Variants in PRKN observed in about 807,000 individuals in gnomAD.
The protein encoded by PRKN is E3 ubiquitin-protein ligase parkin.
Under a neutral mutation model 59.5 loss-of-function variants are expected in PRKN, and 56 were observed. The observed-to-expected ratio is 0.94, with a 90% CI of 0.76 to 1.18. PRKN has a LOEUF of 1.18. Ranked by LOEUF, PRKN falls within the 50% of genes most tolerant of loss-of-function variation. The pLI is 0.00. For synonymous variants in PRKN, 250 were observed against 222.1 expected (o/e 1.13, Z -1.12); for missense variants, 657 against 596.4 (o/e 1.10, Z -1.06).
rs1778391760 is a variant in PRKN at position 161,912,274 on chromosome 6, G to C, written c.734+61028C>G. ...CGTTAAAACCAGAAGCCATAAAGTA[G>C]TAGGTGCAAACCTCTGACTACCAAT... is the stretch of plus-strand genomic sequence containing the variant. On this transcript the variant is annotated intron_variant, in intron 6 of 11. Coordinates refer to ENST00000366898, the MANE Select transcript of PRKN (RefSeq NM_004562.3). Among the ~76,000 whole-genome samples, 3 of 151,786 alleles carry C rather than the reference G, an allele frequency of 2.0e-5. No individual in the cohort carries two copies. The South Asian group carries it at 6.2e-4, about 32-fold the overall frequency.
rs369432929 is a variant in PRKN at position 161,928,285 on chromosome 6, T to C, written c.734+45017A>G. Among the ~76,000 whole-genome samples the C allele has an allele frequency of 4.6e-5, 7 of 152,304 alleles. No individual in the cohort carries two copies. The East Asian group carries it at 1.3e-3, about 29-fold the overall frequency. ...TTGTTATGGCAGCCTGAATGGATAA[T>C]GACACTTATTATTAATATTTGGGAA... is the stretch of plus-strand genomic sequence containing the variant. On this transcript the variant is annotated intron_variant, in intron 6 of 11. Coordinates refer to ENST00000366898, the MANE Select transcript of PRKN (RefSeq NM_004562.3).
intron 9 of PRKN, among the ~76,000 whole-genome samples, chr6:161,485,172 A>T (rs1027127189): frequency 2.0e-5 from 3 of 152,274 alleles, no homozygotes; most frequent in Non-Finnish European, 4.4e-5. Context: ...CGAGCCAGTC[A>T]TTCAGATGAC....
At chr6:161,756,502 G>C (rs758499313) in intron 7 of PRKN, among the ~76,000 whole-genome samples, 37 of 135,638 alleles carry the variant, frequency 2.7e-4, no homozygotes, top group African/African-American at 1.0e-3. Context: ...TTTTATTGCT[G>C]TTTCCCAAAT....
intron 5 of PRKN, among the ~76,000 whole-genome samples, chr6:161,995,095 T>C (rs1030764206): frequency 6.6e-6 from 1 of 152,056 alleles, no homozygotes; most frequent in Non-Finnish European, 1.5e-5. Context: ...AACATACACA[T>C]AGAGCAATGG....
chr6:161,944,953 G>A (rs1293249226), intron 6 of PRKN, among the ~76,000 whole-genome samples: 2 of 152,204 alleles, frequency 1.3e-5, no homozygotes, highest in East Asian at 3.9e-4. Flanking sequence ...ATCTGTAGGA[G>A]AGGAGAGAAA....
intron 3 of PRKN, among the ~76,000 whole-genome samples, chr6:162,237,868 A>G (rs1778808471): frequency 1.3e-5 from 2 of 152,130 alleles, no homozygotes; most frequent in Admixed American, 6.5e-5. Context: ...GGTGGGAAAG[A>G]AAACAGGCAG....
chr6:162,381,026 C>T (rs1394810262), intron 2 of PRKN, among the ~76,000 whole-genome samples: 2 of 152,104 alleles, frequency 1.3e-5, no homozygotes, highest in South Asian at 2.1e-4. Flanking sequence ...GATCCGCAGG[C>T]GAACCGTTCT....
chr6:161,513,579 A>G (rs1778477921), intron 9 of PRKN, among the ~76,000 whole-genome samples: 1 of 149,996 alleles, frequency 6.7e-6, no homozygotes, highest in Non-Finnish European at 1.5e-5. Context: ...TGTTTACAAG[A>G]TAAATTTTTG....
At position 161,363,556 on chromosome 6, in the gene PRKN, G is replaced by A. The variant is rs981980287; in HGVS notation, c.1168-3351C>T. ...GGAGATTAAGAGATGGGGGGATAAG[G>A]TGAGAAGGTCCAGTGTTTTTCTAAG... On this transcript the variant is annotated intron_variant, in intron 10 of 11. Transcript: ENST00000366898. The surrounding 1 kb of genome is among the most constrained non-coding windows in gnomAD (Gnocchi z 4.1). 6.6e-6 allele frequency among the ~76,000 whole-genome samples: 1 copy of A among 152,146 alleles called. No homozygotes were observed. The highest frequency in any genetic ancestry group is 1.5e-5 in the Non-Finnish European group (1 of 68,028).
chr6:162,013,487 G>A (rs996231490), intron 5 of PRKN, among the ~76,000 whole-genome samples: 1 of 152,152 alleles, frequency 6.6e-6, no homozygotes, highest in Non-Finnish European at 1.5e-5. Context: ...TGAGTGCCAG[G>A]TGTATTCATT....
intron 4 of PRKN, among the ~76,000 whole-genome samples, chr6:162,139,697 C>T (rs1450808675): frequency 2.6e-5 from 4 of 152,066 alleles, no homozygotes; most frequent in Non-Finnish European, 5.9e-5. Flanking sequence ...AAAGCAGAAA[C>T]GTACATCAGC....
intron 4 of PRKN, among the ~76,000 whole-genome samples, chr6:162,160,981 C>T (rs1040822747): frequency 6.6e-6 from 1 of 151,624 alleles, no homozygotes; most frequent in Non-Finnish European, 1.5e-5. Context: ...GAAGAGGCAC[C>T]TTATGCAGAA....
intron 7 of PRKN, among the ~76,000 whole-genome samples, chr6:161,656,246 C>G (rs946638116): frequency 4.6e-5 from 7 of 152,224 alleles, no homozygotes; most frequent in African/African-American, 1.7e-4. Context: ...CGGGCCCCTG[C>G]TGCATCTTTG....
At chr6:162,211,447 A>G (rs1785193512) in intron 3 of PRKN, among the ~76,000 whole-genome samples, 1 of 152,228 alleles carries the variant, frequency 6.6e-6, no homozygotes, top group Admixed American at 6.5e-5. Context: ...CCATGGAATG[A>G]CCTGAGAATC....
chr6:162,419,129 C>T (rs967385242), intron 2 of PRKN, among the ~76,000 whole-genome samples: 3 of 151,948 alleles, frequency 2.0e-5, no homozygotes, highest in African/African-American at 4.8e-5. Flanking sequence ...CTTCGACGTT[C>T]GTATTATTGT....
At chr6:162,295,310 T>C (rs2128110865) in intron 2 of PRKN, among the ~76,000 whole-genome samples, 1 of 152,320 alleles carries the variant, frequency 6.6e-6, no homozygotes, top group South Asian at 2.1e-4. Context: ...TTGTTATGTG[T>C]GCACCATTTA....
At chr6:162,564,416 TA>T (rs1779976969) in intron 1 of PRKN, among the ~76,000 whole-genome samples, 2 of 151,266 alleles carry the variant, frequency 1.3e-5, no homozygotes, top group Admixed American at 6.6e-5. Flanking sequence ...AAGGACAAGA[TA>T]GGGGTAGAAA....
intron 5 of PRKN, among the ~76,000 whole-genome samples, chr6:162,040,437 T>C (rs1313680276): frequency 6.6e-6 from 1 of 151,734 alleles, no homozygotes; most frequent in Non-Finnish European, 1.5e-5. Flanking sequence ...TGGAGTTTCT[T>C]TCTTGTTGTC....
chr6:162,409,130 C>A (rs545102392), intron 2 of PRKN, among the ~76,000 whole-genome samples: 3 of 152,072 alleles, frequency 2.0e-5, no homozygotes, highest in African/African-American at 7.2e-5. Flanking sequence ...TTCTTCCTTT[C>A]TTCTGGGAAT....
Sources: gnomAD v4.1 joint callset for allele counts (sites outside exome capture counted in the v4.1 genomes callset) on GRCh38, gnomAD v4.1.1 for gene constraint, Gnocchi (gnomAD v3.1) non-coding constraint, MANE v1.5 for transcripts, NCBI Gene and HGNC (gene_info 2026-07-23, HGNC 2026-07-21) for gene names.